Variants in RSPH1 observed in about 807,000 individuals in gnomAD.
The protein encoded by RSPH1 is radial spoke head 1 homolog.
A neutral mutation model predicts 44.2 loss-of-function variants in RSPH1; 32 were observed. The ratio of observed to expected loss-of-function variants is 0.72; its 90% CI spans 0.55 to 0.97. The LOEUF (loss-of-function observed/expected upper bound fraction) is 0.97, where lower values mean the gene tolerates loss of function less well. Ranked by LOEUF, RSPH1 falls within the 50% of genes least tolerant of loss-of-function variation. The pLI, the probability that RSPH1 is intolerant of heterozygous loss-of-function variation, is 0.00. For synonymous variants in RSPH1, 134 were observed against 147.3 expected, an observed-to-expected ratio of 0.91 and a Z score of 0.65; for missense variants, 391 against 398.7, an observed-to-expected ratio of 0.98 and a Z score of 0.16.
Position 42,477,411 on chromosome 21 carries a change from C to T in RSPH1, c.607G>A (p.Val203Ile), listed in dbSNP as rs2054079239. The T allele has an allele frequency of 6.2e-7, 1 of 1,614,136 alleles. No homozygotes were observed. Residue 203 changes from valine (V) to isoleucine (I), a missense_variant, in exon 7 of 9, where the codon GTA (valine) becomes ATA (isoleucine). Val to Ile is a conservative substitution (Grantham distance 29). Coordinates refer to ENST00000291536, the MANE Select transcript of RSPH1 (RefSeq NM_080860.4). ...RGEEEEEEEL[V>I]TVVPKWKATQ... is the part of the protein sequence containing the mutation. ...GCTTTCCATTTTGGAACAACAGTTA[C>T]TAATTCTTCCTCCTCTTCCTCTTCT...
intron 6 of RSPH1, among the ~76,000 whole-genome samples, chr21:42,477,678 T>C (rs1425807355): frequency 8.5e-5 from 13 of 152,190 alleles, no homozygotes; most frequent in Admixed American, 7.9e-4. Flanking sequence ...AGAGCAATGC[T>C]GGGCCAGCGA....
intron 3 of RSPH1, 110 bp from the exon 4 acceptor site, chr21:42,486,571 T>C (rs1366240153): frequency 5.1e-6 from 4 of 787,822 alleles, no homozygotes; most frequent in Admixed American, 3.8e-5. Flanking sequence ...GTGAAGCAAA[T>C]GAAGCCCATG....
Position 42,492,821 on chromosome 21 carries a change from A to T in RSPH1, c.211T>A (p.Tyr71Asn), listed in dbSNP as rs766386661. Residue 71 changes from tyrosine to asparagine, a missense_variant, in exon 3 of 9, where the codon TAT (tyrosine) becomes AAT (asparagine). Tyr to Asn is a moderately radical substitution (Grantham distance 143). Coordinates refer to ENST00000291536, the MANE Select transcript of RSPH1 (RefSeq NM_080860.4). ...FKNGARYIGE[Y>N]VRNKKHGQGT... is the part of the protein sequence containing the mutation. The stretch of plus-strand genomic sequence containing the variant: ...TGACCGTGCTTTTTATTTCTAACAT[A>T]TTCTCCGATATATCGAGCACCATTT... The T allele has an allele frequency of 5.0e-6, 8 of 1,613,538 alleles. No homozygotes were observed. Among genetic ancestry groups the T allele is most frequent in the Non-Finnish European group, 6.8e-6 (8 of 1,179,432 alleles).
chr21:42,496,109 C>T, intron 1 of RSPH1, 24 bp downstream of exon 1: 1 of 1,613,832 alleles, frequency 6.2e-7, no homozygotes, highest in Non-Finnish European at 8.5e-7. Context: ...CCCTGGGAAG[C>T]CCTTTCTCAC....
intron 6 of RSPH1, among the ~76,000 whole-genome samples, chr21:42,479,339 T>C (rs373159455): frequency 9.2e-4 from 140 of 152,268 alleles, no homozygotes; most frequent in African/African-American, 3.3e-3. Flanking sequence ...ATGGGTGGTT[T>C]TTCCTAAACA....
chr21:42,477,526 AGTTTTGAAAGACAG>A, intron 6 of RSPH1, 82 bp from the exon 7 acceptor site: 1 of 1,459,238 alleles, frequency 6.9e-7, no homozygotes, highest in Admixed American at 1.7e-5. Context: ...AGGAAGGACA[AGTTTTGAAAGACAG>A]GTTTTGGCTT....
intron 7 of RSPH1, among the ~76,000 whole-genome samples, chr21:42,476,412 G>T (rs977829207): frequency 1.9e-4 from 29 of 152,196 alleles, no homozygotes; most frequent in African/African-American, 6.8e-4. Flanking sequence ...CATTCTGGGG[G>T]CTGTCCCGGA....
At chr21:42,493,647 G>C (rs1259072464) in intron 1 of RSPH1, among the ~76,000 whole-genome samples, 4 of 152,164 alleles carry the variant, frequency 2.6e-5, no homozygotes, top group African/African-American at 4.8e-5. Context: ...GAGTACACAG[G>C]GCTCCCTTGC....
chr21:42,477,526 A>G, intron 6 of RSPH1, 82 bp from the exon 7 acceptor site: 3 of 1,459,238 alleles, frequency 2.1e-6, no homozygotes, highest in Non-Finnish European at 1.9e-6. Context: ...AGGAAGGACA[A>G]GTTTTGAAAG....
chr21:42,479,771 T>C (rs2054107002), intron 6 of RSPH1, among the ~76,000 whole-genome samples: 1 of 149,430 alleles, frequency 6.7e-6, no homozygotes, highest in Admixed American at 6.6e-5. Flanking sequence ...ATAAATGAAG[T>C]GGAACCTCGG....
Position 42,493,027 on chromosome 21 carries a change from G to A in RSPH1, c.107C>T (p.Ala36Val), listed in dbSNP as rs557810897. 1.5e-5 allele frequency: 24 copies of A among 1,614,094 alleles called. No individual in the cohort carries two copies. In the African/African-American group the frequency reaches 3.2e-4, roughly 22 times the overall value. Residue 36 changes from alanine (A) to valine (V), a missense_variant, in exon 2 of 9, where the codon GCA becomes GTA. Transcript: ENST00000291536. The stretch of plus-strand genomic sequence containing the variant: ...GTAGGTGTCCCCGTTGGGTAGCCGT[G>A]CCCTCCCACGTCCGTGCCTTTCGCC... ...EAGERHGRGR[A>V]RLPNGDTYEG...
rs537588852 is a variant in RSPH1 at position 42,486,457 on chromosome 21, C to T, written c.279G>A (p.Glu93=). The T allele has an allele frequency of 5.6e-6, 9 of 1,613,234 alleles. No individual in the cohort carries two copies. The highest frequency in any genetic ancestry group is 7.6e-6 in the Non-Finnish European group (9 of 1,179,256). The stretch of plus-strand genomic sequence containing the variant: ...GGCCGTGCCGCAGGTCATTTGCCCA[C>T]TCTCCTGAAAGGAACAACACAAAGG... ...IYPDGSRYEG[E]WANDLRHGHG... Residue 93 remains glutamate, a synonymous_variant, in exon 4 of 9, where the codon GAG becomes GAA. Coordinates refer to ENST00000291536, the MANE Select transcript of RSPH1 (RefSeq NM_080860.4).
chr21:42,493,131 C>A, intron 1 of RSPH1, 52 bp from the exon 2 acceptor site: 2 of 1,452,820 alleles, frequency 1.4e-6, no homozygotes, highest in Non-Finnish European at 9.6e-7. Context: ...AAGCGCTAAC[C>A]AGGTGCTAAG....
chr21:42,480,387 G>T (rs1210771087), intron 6 of RSPH1, among the ~76,000 whole-genome samples: 1 of 152,134 alleles, frequency 6.6e-6, no homozygotes, highest in Non-Finnish European at 1.5e-5. Flanking sequence ...TACGCCTATA[G>T]TCCCACCACT....
chr21:42,481,791 C>T (rs965493472), intron 6 of RSPH1, among the ~76,000 whole-genome samples: 5 of 152,148 alleles, frequency 3.3e-5, no homozygotes, highest in African/African-American at 1.2e-4. Context: ...CATATATTCC[C>T]ACCTCAACAC....
chr21:42,477,561 CTT>C, intron 6 of RSPH1, 117 bp from the exon 7 acceptor site: 1 of 993,896 alleles, frequency 1.0e-6, no homozygotes, highest in Non-Finnish European at 1.5e-6. Flanking sequence ...GTGTTTCAGC[CTT>C]TTTAGGACGT....
intron 5 of RSPH1, among the ~76,000 whole-genome samples, chr21:42,484,295 C>T (rs1322466472): frequency 1.3e-5 from 2 of 152,204 alleles, no homozygotes; most frequent in African/African-American, 2.4e-5. Flanking sequence ...AGAGTATAAA[C>T]TGACACCACT....
rs140807971 is a variant in RSPH1 at position 42,482,266 on chromosome 21, C to T, written c.573+371G>A. 3.1e-3 allele frequency among the ~76,000 whole-genome samples: 474 copies of T among 152,172 alleles called. 8 individuals are homozygous for T. The highest frequency in any genetic ancestry group is 5.5e-3 in the Admixed American group (84 of 15,276). On this transcript the variant is annotated intron_variant, in intron 6 of 8. Transcript: ENST00000291536. Reference sequence around the variant, plus strand: ...GCCCAGCTAATTTTTGTATTTTTAGCGGAGACAGGGATTCATCACGTTGGC... The same window carrying T: ...GCCCAGCTAATTTTTGTATTTTTAGTGGAGACAGGGATTCATCACGTTGGC...
intron 7 of RSPH1, among the ~76,000 whole-genome samples, 155 bp downstream of exon 7, chr21:42,477,136 C>T (rs2054068354): frequency 1.5e-5 from 2 of 134,582 alleles, no homozygotes; most frequent in African/African-American, 5.7e-5. Flanking sequence ...TGCCCCACAC[C>T]CTCTGCCCCC....
Sources: gnomAD v4.1 joint callset for allele counts (sites outside exome capture counted in the v4.1 genomes callset) on GRCh38, gnomAD v4.1.1 for gene constraint, MANE v1.5 for transcripts, NCBI Gene and HGNC (gene_info 2026-07-23, HGNC 2026-07-21) for gene names.